Variants in TEAD4 observed in about 807,000 individuals in gnomAD.
TEAD4 encodes TEA domain transcription factor 4, also known as transcriptional enhancer factor TEF-3.
Under a neutral mutation model 52.4 loss-of-function variants are expected in TEAD4, and 36 were observed. That is an observed-to-expected ratio of 0.69 (90% CI 0.53 to 0.91). The LOEUF (loss-of-function observed/expected upper bound fraction) is 0.91. Among genes scored for constraint, TEAD4 ranks in the 40% least tolerant of loss-of-function variants. The pLI is 0.00. For missense variants in TEAD4, 508 were observed against 583.9 expected (o/e 0.87, Z 1.34); for synonymous variants, 220 against 231.0 (o/e 0.95, Z 0.43).
intron 2 of TEAD4, among the ~76,000 whole-genome samples, chr12:2,965,672 C>G (rs958580487): frequency 6.6e-6 from 1 of 151,896 alleles, no homozygotes; most frequent in Non-Finnish European, 1.5e-5. Flanking sequence ...CTGCCTCAGC[C>G]TCCCCAGTAG....
At chr12:2,962,786 T>C (rs2098216862) in intron 2 of TEAD4, among the ~76,000 whole-genome samples, 1 of 152,106 alleles carries the variant, frequency 6.6e-6, no homozygotes, top group Non-Finnish European at 1.5e-5. Context: ...ATTTTAAAGA[T>C]GGGGAAACTG....
chr12:3,024,223 C>G (rs1393252190), intron 10 of TEAD4, among the ~76,000 whole-genome samples: 2 of 151,902 alleles, frequency 1.3e-5, no homozygotes, highest in African/African-American at 4.8e-5. Context: ...TACAGGCACC[C>G]GCCACCACGC....
intron 2 of TEAD4, among the ~76,000 whole-genome samples, chr12:2,973,122 T>G (rs1327676803): frequency 6.6e-6 from 1 of 152,204 alleles, no homozygotes; most frequent in Non-Finnish European, 1.5e-5. Flanking sequence ...TCTTTGCTTC[T>G]TTCACTCAGC....
chr12:2,995,466 G>A (rs532158148), intron 3 of TEAD4, among the ~76,000 whole-genome samples: 1 of 152,276 alleles, frequency 6.6e-6, no homozygotes, highest in South Asian at 2.1e-4. Context: ...AGGGTAATGT[G>A]AGCTCACAGA....
chr12:2,983,551 G>A (rs1252047783), intron 2 of TEAD4, among the ~76,000 whole-genome samples: 1 of 152,198 alleles, frequency 6.6e-6, no homozygotes, highest in Admixed American at 6.5e-5. Context: ...GAGGTGGTTT[G>A]TCTGTGGTTG....
chr12:2,998,042 T>C (rs1007105680), intron 3 of TEAD4, among the ~76,000 whole-genome samples: 1 of 152,208 alleles, frequency 6.6e-6, no homozygotes, highest in East Asian at 1.9e-4. Flanking sequence ...TTCTGCTTTC[T>C]GTCTTTATGG....
At chr12:3,022,458 A>G (rs1377220432) in intron 10 of TEAD4, among the ~76,000 whole-genome samples, 1 of 152,174 alleles carries the variant, frequency 6.6e-6, no homozygotes, top group Non-Finnish European at 1.5e-5. Context: ...GTTGGGCTGA[A>G]CAGAGCTTGG....
intron 3 of TEAD4, among the ~76,000 whole-genome samples, chr12:2,999,934 C>T (rs921298334): frequency 3.3e-5 from 5 of 152,288 alleles, no homozygotes; most frequent in Admixed American, 2.0e-4. Flanking sequence ...TCTCACCTTC[C>T]TGAGGTTGCT....
At chr12:2,961,653 A>G (rs1376586767) in intron 2 of TEAD4, among the ~76,000 whole-genome samples, 1 of 152,102 alleles carries the variant, frequency 6.6e-6, no homozygotes. Context: ...CTGTCCAGAA[A>G]GTTTCTTGTG....
chr12:2,995,496 C>A (rs1392423415), intron 3 of TEAD4, among the ~76,000 whole-genome samples: 1 of 152,126 alleles, frequency 6.6e-6, no homozygotes, highest in Non-Finnish European at 1.5e-5. Context: ...TGCAAGGCAG[C>A]CTGGAGAGTT....
Position 3,011,065 on chromosome 12 carries a change from G to A in TEAD4, c.288G>A (p.Lys96=), listed in dbSNP as rs528087582. ...GGACAGGGAAGACCCGCACCAGGAA[G>A]CAGGTGGGCCTCAAGAGACGGGTAG... Residue 96 remains lysine (K), a synonymous_variant, in exon 4 of 13, where the codon AAG becomes AAA. Transcript: ENST00000359864. 2.9e-5 allele frequency: 47 copies of A among 1,614,160 alleles called. No homozygotes were observed. In the South Asian group the frequency reaches 4.8e-4, roughly 17 times the overall value.
At chr12:3,017,592 A>G in intron 6 of TEAD4, 66 bp downstream of exon 6, 1 of 1,530,094 alleles carries the variant, frequency 6.5e-7, no homozygotes, top group Non-Finnish European at 8.8e-7. Flanking sequence ...CCTGTTCAGA[A>G]GAGCCAGAAG....
At chr12:3,026,057 G>T (rs2098271912) in intron 10 of TEAD4, among the ~76,000 whole-genome samples, 1 of 152,102 alleles carries the variant, frequency 6.6e-6, no homozygotes, top group South Asian at 2.1e-4. Flanking sequence ...TACTTGGTAG[G>T]CACTTTTAAC....
intron 7 of TEAD4, 152 bp from the exon 8 acceptor site, chr12:3,018,963 G>A (rs2153957259): frequency 1.1e-6 from 1 of 917,068 alleles, no homozygotes; most frequent in Admixed American, 2.1e-5. Flanking sequence ...ACCCAGGGGA[G>A]TCGGCAGGGG....
chr12:3,035,146 AT>A (rs1253671668), intron 10 of TEAD4, among the ~76,000 whole-genome samples: 7 of 152,370 alleles, frequency 4.6e-5, no homozygotes, highest in Middle Eastern at 3.4e-3. Context: ...TTTCATATAT[AT>A]TAGAAAGAAT....
chr12:3,030,830 A>C (rs1166409587), intron 10 of TEAD4, among the ~76,000 whole-genome samples: 1 of 152,142 alleles, frequency 6.6e-6, no homozygotes, highest in African/African-American at 2.4e-5. Flanking sequence ...GTGGACGGTC[A>C]TGGCCACGTG....
intron 5 of TEAD4, among the ~76,000 whole-genome samples, chr12:3,013,144 G>T (rs2153956783): frequency 6.6e-6 from 1 of 151,924 alleles, no homozygotes; most frequent in South Asian, 2.1e-4. Flanking sequence ...TAGAGATGAG[G>T]TCTCCCTATT....
chr12:2,985,369 A>G (rs776983384), intron 2 of TEAD4, among the ~76,000 whole-genome samples: 2 of 151,998 alleles, frequency 1.3e-5, no homozygotes, highest in Non-Finnish European at 2.9e-5. Context: ...TGGGTGACAG[A>G]GCAAGACTCT....
chr12:2,986,314 T>C (rs980636595), intron 2 of TEAD4, among the ~76,000 whole-genome samples: 10 of 151,820 alleles, frequency 6.6e-5, no homozygotes, highest in African/African-American at 2.4e-4. Context: ...CAGTAATTTT[T>C]TTTTTACAAG....
Sources: gnomAD v4.1 joint callset for allele counts (sites outside exome capture counted in the v4.1 genomes callset) on GRCh38, gnomAD v4.1.1 for gene constraint, MANE v1.5 for transcripts, NCBI Gene and HGNC (gene_info 2026-07-23, HGNC 2026-07-21) for gene names.